DAB1: variants seen among roughly 807,000 people sequenced by gnomAD.
The protein encoded by DAB1 is DAB adaptor protein 1, also known as disabled homolog 1.
DAB1 carries 15 observed loss-of-function variants against 64.6 expected under a neutral mutation model. The ratio of observed to expected loss-of-function variants is 0.23; its 90% CI spans 0.16 to 0.36. The LOEUF is 0.36. Ranked by LOEUF, DAB1 falls within the 10% of genes least tolerant of loss-of-function variation. The probability of loss-of-function intolerance (pLI) is 1.00; values close to 1 mark genes in which losing one functional copy is unlikely to be tolerated. For synonymous variants in DAB1, 235 were observed against 251.9 expected (o/e 0.93, Z 0.64); for missense variants, 596 against 706.7 (o/e 0.84, Z 1.78).
chr1:58,429,876 C>T (rs746829610), intron 3 of DAB1, among the ~76,000 whole-genome samples: 1 of 146,452 alleles, frequency 6.8e-6, no homozygotes, highest in Non-Finnish European at 1.5e-5. Context: ...TTGCAAAGTT[C>T]TGGAGGCTGG....
chr1:57,204,451 TA>T (rs10548857), intron 2 of DAB1, among the ~76,000 whole-genome samples: 44,601 of 127,500 alleles, frequency 0.35, 7,606 homozygotes, highest in Non-Finnish European at 0.41. Flanking sequence ...GGTCTAGATT[TA>T]AAAAAAAAAA....
At position 57,159,856 on chromosome 1, in the gene DAB1, CAAAAAA is replaced by C. The variant is rs398049302; in HGVS notation, c.68-14433_68-14428del. 8.8e-3 allele frequency among the ~76,000 whole-genome samples: 757 copies of C among 86,352 alleles called. 7 individuals are homozygous for C. Among genetic ancestry groups the C allele is most frequent in the African/African-American group, 0.029 (701 of 24,046 alleles). 56.7% of individuals were successfully genotyped at this position (86,352 alleles called of 152,430 possible). On this transcript the variant is annotated intron_variant, in intron 2 of 14. Transcript: ENST00000371236. ...CACGTACAAGGTAGAAGCAGCAAGA[CAAAAAA>C]AAAAAAAAAAAAAAAGGAAAAACCT...
At chr1:57,375,285 C>T (rs1680806236) in intron 1 of DAB1, among the ~76,000 whole-genome samples, 2 of 152,070 alleles carry the variant, frequency 1.3e-5, no homozygotes, top group Non-Finnish European at 2.9e-5. Context: ...CTCATTGAAC[C>T]CTCACAACAA....
intron 5 of DAB1, among the ~76,000 whole-genome samples, chr1:57,923,802 A>G (rs1219519481): frequency 6.6e-6 from 1 of 152,256 alleles, no homozygotes; most frequent in Non-Finnish European, 1.5e-5. Context: ...AAATAGCATT[A>G]ATAATAAATG....
intron 5 of DAB1, among the ~76,000 whole-genome samples, chr1:57,980,823 T>A (rs1646046907): frequency 6.6e-6 from 1 of 152,100 alleles, no homozygotes; most frequent in Admixed American, 6.6e-5. Flanking sequence ...TAGTTTTTAC[T>A]TAGTCATTCC....
At chr1:57,672,016 C>A (rs903976544) in intron 6 of DAB1, among the ~76,000 whole-genome samples, 15 of 152,194 alleles carry the variant, frequency 9.9e-5, no homozygotes, top group African/African-American at 3.4e-4. Flanking sequence ...GCATCCAGCA[C>A]TATGCTAAGC....
intron 7 of DAB1, among the ~76,000 whole-genome samples, chr1:57,485,780 TC>T (rs1644083105): frequency 6.6e-6 from 1 of 152,114 alleles, no homozygotes; most frequent in South Asian, 2.1e-4. Flanking sequence ...GAGCATGCAC[TC>T]AGTACATCCT....
chr1:58,413,828 A>G (rs979606889), intron 3 of DAB1, among the ~76,000 whole-genome samples: 2 of 152,142 alleles, frequency 1.3e-5, no homozygotes, highest in Non-Finnish European at 2.9e-5. Flanking sequence ...ACAGAATTGC[A>G]GGACCTCTAT....
intron 14 of DAB1, 38 bp downstream of exon 14, chr1:57,010,642 G>T (rs1646234845): frequency 3.5e-6 from 4 of 1,151,748 alleles, no homozygotes; most frequent in African/African-American, 3.1e-5. Flanking sequence ...AAAGCAGATA[G>T]CTTAAGGGTA....
intron 4 of DAB1, among the ~76,000 whole-genome samples, chr1:58,205,441 CAT>C (rs2100275701): frequency 6.6e-6 from 1 of 152,322 alleles, no homozygotes; most frequent in South Asian, 2.1e-4. Flanking sequence ...TTTCAAACCA[CAT>C]GTGTCCCTGA....
intron 7 of DAB1, among the ~76,000 whole-genome samples, chr1:57,580,444 C>T (rs1466937345): frequency 3.3e-5 from 5 of 152,102 alleles, no homozygotes; most frequent in African/African-American, 9.7e-5. Flanking sequence ...ACTCCTTGGT[C>T]GTGGCTTCCT....
At position 58,125,864 on chromosome 1, in the gene DAB1, G is replaced by A. The variant is rs746837916; in HGVS notation, n.387+24647C>T. 1.2e-4 allele frequency among the ~76,000 whole-genome samples: 18 copies of A among 152,126 alleles called. 1 individual carries two copies. The highest frequency in any genetic ancestry group is 1.5e-4 in the Non-Finnish European group (10 of 68,036). On this transcript the variant is annotated intron_variant and non_coding_transcript_variant, in intron 5 of 20. Coordinates refer to the DAB1 transcript ENST00000485760. Reference sequence around the variant, plus strand: ...GAAAGGTAAAGAAATACAGAGAGGCGTGACTGGTTTATGACAGTATCACTC... The same window carrying A: ...GAAAGGTAAAGAAATACAGAGAGGCATGACTGGTTTATGACAGTATCACTC...
chr1:57,287,220 C>T (rs116124269), intron 2 of DAB1, among the ~76,000 whole-genome samples: 2,844 of 152,198 alleles, frequency 0.019, 43 homozygotes, highest in Non-Finnish European at 0.032. Flanking sequence ...TACTGGCATG[C>T]GCCGCCATGC....
At chr1:57,085,788 C>T (rs1466699047) in intron 4 of DAB1, among the ~76,000 whole-genome samples, 3 of 151,854 alleles carry the variant, frequency 2.0e-5, no homozygotes, top group South Asian at 2.1e-4. Flanking sequence ...CACTTGGGGG[C>T]GGGGGGTGGC....
chr1:58,444,198 A>C (rs1284146070), intron 3 of DAB1, among the ~76,000 whole-genome samples: 1 of 152,246 alleles, frequency 6.6e-6, no homozygotes, highest in Non-Finnish European at 1.5e-5. Flanking sequence ...GCAACATATG[A>C]GGAACCTTGG....
intron 1 of DAB1, among the ~76,000 whole-genome samples, chr1:57,303,323 T>A (rs1213068525): frequency 6.6e-6 from 1 of 150,908 alleles, no homozygotes; most frequent in Non-Finnish European, 1.5e-5. Flanking sequence ...GGCAAAGGAG[T>A]TGTATGTGTT....
At chr1:57,967,934 T>C (rs1645708104) in intron 5 of DAB1, among the ~76,000 whole-genome samples, 1 of 152,128 alleles carries the variant, frequency 6.6e-6, no homozygotes, top group African/African-American at 2.4e-5. Flanking sequence ...TTTTCGTATA[T>C]AAAACAGGAA....
chr1:57,595,150 A>T (rs1293802546), intron 7 of DAB1, among the ~76,000 whole-genome samples: 10 of 152,048 alleles, frequency 6.6e-5, no homozygotes, highest in East Asian at 1.9e-4. Context: ...TGTTGTTTTT[A>T]AAAAAATCTG....
chr1:57,352,788 T>C (rs1014582292), intron 1 of DAB1, among the ~76,000 whole-genome samples: 2 of 152,172 alleles, frequency 1.3e-5, no homozygotes, highest in African/African-American at 4.8e-5. Flanking sequence ...GATTGACATT[T>C]GAATCAGTAG....
Sources: allele counts gnomAD v4.1 joint callset (sites outside exome capture counted in the v4.1 genomes callset), GRCh38; gene constraint gnomAD v4.1.1; transcripts MANE v1.5; gene names NCBI Gene and HGNC (gene_info 2026-07-23, HGNC 2026-07-21).